Variants in CRTC2 observed in about 807,000 individuals in gnomAD.
The protein encoded by CRTC2 is CREB regulated transcription coactivator 2, also known as CREB-regulated transcription coactivator 2.
A neutral mutation model predicts 70.9 loss-of-function variants in CRTC2; 25 were observed. The ratio of observed to expected loss-of-function variants is 0.35; its 90% CI spans 0.26 to 0.49. CRTC2 has a LOEUF of 0.49. CRTC2 is among the 20% of genes least tolerant of loss of function. The probability of loss-of-function intolerance (pLI) is 0.98; values close to 1 mark genes in which losing one functional copy is unlikely to be tolerated. For synonymous variants in CRTC2, 330 were observed against 364.1 expected, an observed-to-expected ratio of 0.91 and a Z score of 1.07; for missense variants, 737 against 882.6, an observed-to-expected ratio of 0.83 and a Z score of 2.09.
In CRTC2 at chr1:153,948,293, G is replaced by C; in HGVS notation, c.1898C>G (p.Ala633Gly). Residue 633 changes from alanine (A) to glycine (G), a missense_variant, in exon 14 of 14, where the codon GCA (alanine) becomes GGA (glycine). Physicochemically the swap from Ala to Gly is moderately conservative, Grantham distance 60. Coordinates refer to ENST00000368633, the MANE Select transcript of CRTC2 (RefSeq NM_181715.3). Reference protein sequence around the residue: ...SSPGFSKEIAAALAGVPGFEV... With the variant: ...SSPGFSKEIAGALAGVPGFEV... ...AAAGCCAGGCACTCCGGCCAGGGCTGCTGCAATCTCCTTAGAGAAACCTGG... is the reference window on the plus strand; with the variant it reads ...AAAGCCAGGCACTCCGGCCAGGGCTCCTGCAATCTCCTTAGAGAAACCTGG... The C allele has an allele frequency of 6.2e-7, 1 of 1,614,254 alleles. No homozygotes were observed. The highest frequency in any genetic ancestry group is 8.5e-7 in the Non-Finnish European group (1 of 1,180,050).
intron 1 of CRTC2, among the ~76,000 whole-genome samples, chr1:153,956,124 C>T (rs1000678313): frequency 6.6e-6 from 1 of 152,238 alleles, no homozygotes; most frequent in African/African-American, 2.4e-5. Flanking sequence ...GAAGGCTACA[C>T]AAAGCCTGCA....
Position 153,947,954 on chromosome 1 carries a change from C to A in CRTC2, c.*155G>T, listed in dbSNP as rs979173512. The stretch of plus-strand genomic sequence containing the variant: ...GCGCAGAATTCAGGGGCCACCTGGA[C>A]AAACCCCTTGCTTTTTCTCATTCTT... On this transcript the variant is annotated 3_prime_UTR_variant, in exon 14 of 14. Coordinates refer to ENST00000368633, the MANE Select transcript of CRTC2 (RefSeq NM_181715.3). 2 of 811,042 alleles carry A rather than the reference C, an allele frequency of 2.5e-6. No individual in the cohort carries two copies. The highest frequency in any genetic ancestry group is 4.0e-6 in the Non-Finnish European group (2 of 502,508). 50.2% of individuals were successfully genotyped at this position (811,042 alleles called of 1,614,324 possible). A position where few individuals can be genotyped will look rare whatever the true frequency, so the allele number is the denominator to read the frequency against.
At chr1:153,958,117 C>G in intron 1 of CRTC2, 1 of 1,396,582 alleles carries the variant, frequency 7.2e-7, no homozygotes, top group Non-Finnish European at 9.3e-7. Context: ...CTCACGTACT[C>G]GGCCCCCAGT....
At position 153,952,737 on chromosome 1, in the gene CRTC2, C is replaced by T. The variant is rs1035460327; in HGVS notation, c.637+68G>A. 7 of 1,610,246 alleles carry T rather than the reference C, an allele frequency of 4.3e-6. No homozygotes were observed. The African/African-American group carries it at 6.7e-5, about 15-fold the overall frequency. On this transcript the variant is annotated intron_variant, in intron 7 of 13. Coordinates refer to ENST00000368633, the MANE Select transcript of CRTC2 (RefSeq NM_181715.3). ...GAAGGAGTCCTGCTCCCTGAACCTG[C>T]ACACAATCCCAACACCAGCCCAGAA...
At chr1:153,951,134 G>C in intron 11 of CRTC2, 126 bp downstream of exon 11, 1 of 1,025,912 alleles carries the variant, frequency 9.7e-7, no homozygotes, top group South Asian at 1.5e-5. Flanking sequence ...GGGGCAGGCG[G>C]AGGACAGAGG....
In CRTC2 at chr1:153,952,201, C is replaced by T; in HGVS notation, c.814G>A (p.Gly272Arg). 1 of 1,613,330 alleles carries T rather than the reference C, an allele frequency of 6.2e-7. No homozygotes were observed. The highest frequency in any genetic ancestry group is 8.5e-7 in the Non-Finnish European group (1 of 1,179,550). ...VPVLPPAMNT[G>R]GSLPDLTNLH... The stretch of plus-strand genomic sequence containing the variant: ...TTGGTGAGGTCAGGTAGGGAGCCCC[C>T]CGTGTTCATGGCAGGTGGGAGGACA... Residue 272 changes from glycine (G) to arginine (R), a missense_variant, in exon 10 of 14, where the codon GGG becomes AGG. Transcript: ENST00000368633.
chr1:153,952,772 C>T (rs985041099), intron 7 of CRTC2, 33 bp downstream of exon 7: 4 of 1,614,102 alleles, frequency 2.5e-6, no homozygotes, highest in Non-Finnish European at 3.4e-6. Context: ...AATTCTTTGG[C>T]ATTCAGTACC....
At chr1:153,955,920 C>T (rs1680595654) in intron 1 of CRTC2, among the ~76,000 whole-genome samples, 1 of 152,116 alleles carries the variant, frequency 6.6e-6, no homozygotes, top group South Asian at 2.1e-4. Context: ...GAGGGGCTGC[C>T]AGGAGCTCCC....
At chr1:153,949,838 A>G (rs1158405252) in intron 11 of CRTC2, among the ~76,000 whole-genome samples, 1 of 147,782 alleles carries the variant, frequency 6.8e-6, no homozygotes, top group Non-Finnish European at 1.5e-5. Flanking sequence ...CAACAGAGCG[A>G]GACTCCGTCT....
intron 1 of CRTC2, among the ~76,000 whole-genome samples, chr1:153,956,592 G>A (rs1325904021): frequency 6.6e-6 from 1 of 152,116 alleles, no homozygotes; most frequent in Non-Finnish European, 1.5e-5. Flanking sequence ...TGAGCACTGT[G>A]CTGACCTCTG....
chr1:153,953,663 G>T, intron 4 of CRTC2, 57 bp from the exon 5 acceptor site: 1 of 1,304,424 alleles, frequency 7.7e-7, no homozygotes, highest in Non-Finnish European at 1.1e-6. Flanking sequence ...AAGAAGGTGG[G>T]CATAGGGGTT....
intron 11 of CRTC2, among the ~76,000 whole-genome samples, chr1:153,949,877 G>A (rs1197724400): frequency 6.6e-6 from 1 of 151,288 alleles, no homozygotes; most frequent in African/African-American, 2.4e-5. Context: ...CTATCAGAAT[G>A]AAAGTGATAT....
intron 12 of CRTC2, 80 bp from the exon 13 acceptor site, chr1:153,948,724 G>A: frequency 6.7e-7 from 1 of 1,493,302 alleles, no homozygotes; most frequent in East Asian, 2.3e-5. Flanking sequence ...TATCCCCTTT[G>A]CCCAGCAACC....
At chr1:153,954,068 A>G (rs1680494071) in intron 4 of CRTC2, among the ~76,000 whole-genome samples, 187 bp downstream of exon 4, 1 of 152,132 alleles carries the variant, frequency 6.6e-6, no homozygotes, top group Admixed American at 6.5e-5. Context: ...ACTAGTGTCA[A>G]CATGGCCAAG....
chr1:153,948,012 G>T lies in CRTC2; in HGVS notation c.*97C>A. On this transcript the variant is annotated 3_prime_UTR_variant, in exon 14 of 14. Coordinates refer to ENST00000368633, the MANE Select transcript of CRTC2 (RefSeq NM_181715.3). Reference sequence around the variant, plus strand: ...TTCATTCATGCTAGAAAGAGGATCTGGGGACAGAGAGTAGAGTCTCTACCT... The same window carrying T: ...TTCATTCATGCTAGAAAGAGGATCTTGGGACAGAGAGTAGAGTCTCTACCT... 8.6e-7 allele frequency: 1 copy of T among 1,166,342 alleles called. No homozygotes were observed. The highest frequency in any genetic ancestry group is 2.5e-5 in the East Asian group (1 of 39,770). The allele number at this position is 1,166,342 out of a possible 1,614,324, so 72.2% of individuals were successfully genotyped here.
chr1:153,952,818 T>A lies in CRTC2; in HGVS notation c.624A>T (p.Glu208Asp). ...AGGAACACATACCTTTGGGGTCCATTTCACCATCCAGAATACCTGCAAGGG... is the reference window on the plus strand; with the variant it reads ...AGGAACACATACCTTTGGGGTCCATATCACCATCCAGAATACCTGCAAGGG... ...PSRRGGILDG[E>D]MDPKVPAIEE... Residue 208 changes from glutamate to aspartate, a missense_variant, in exon 7 of 14, where the codon GAA becomes GAT. By Grantham distance (45) the Glu-to-Asp change is conservative. Around this residue, in one of 3 missense-constraint regions of CRTC2, gnomAD observed 699 missense variants for 823.7 expected, o/e 0.85. Transcript: ENST00000368633. 2 of 1,614,242 alleles carry A rather than the reference T, an allele frequency of 1.2e-6. No individual in the cohort carries two copies. Among genetic ancestry groups the A allele is most frequent in the Non-Finnish European group, 1.7e-6 (2 of 1,180,034 alleles).
At chr1:153,952,468 T>C (rs992793455) in intron 8 of CRTC2, 22 bp from the exon 9 acceptor site, 7 of 1,613,854 alleles carry the variant, frequency 4.3e-6, no homozygotes, top group South Asian at 1.1e-5. Context: ...AGGGAGAATA[T>C]GGAAAATGAG....
At chr1:153,948,980 C>G in intron 12 of CRTC2, 135 bp downstream of exon 12, 2 of 974,896 alleles carry the variant, frequency 2.1e-6, no homozygotes, top group Non-Finnish European at 3.2e-6. Context: ...ATGTTACCTC[C>G]GGGGAGAGGA....
At position 153,952,035 on chromosome 1, in the gene CRTC2, G is replaced by GGGCCCA; in HGVS notation, c.974_979dup (p.Leu325_Gly326dup). 6.2e-7 allele frequency: 1 copy of GGGCCCA among 1,613,730 alleles called. No homozygotes were observed. Among genetic ancestry groups the GGGCCCA allele is most frequent in the Non-Finnish European group, 8.5e-7 (1 of 1,179,910 alleles). ...TCACTCACCTGGTGCATCATAGCCT[G>GGGCCCA]GGCCCAGGCCCATGCCCCTGCTGAT... On this transcript the variant is annotated inframe_insertion, in exon 10 of 14. Transcript: ENST00000368633.
Sources: allele counts gnomAD v4.1 joint callset (sites outside exome capture counted in the v4.1 genomes callset), GRCh38; gene constraint gnomAD v4.1.1; regional missense constraint gnomAD v4.1.1; transcripts MANE v1.5; gene names NCBI Gene and HGNC (gene_info 2026-07-23, HGNC 2026-07-21).